The following PTPRO variants were observed in gnomAD, a reference collection of about 807,000 sequenced individuals.
PTPRO encodes the protein protein tyrosine phosphatase receptor type O.
A neutral mutation model predicts 145.2 loss-of-function variants in PTPRO; 62 were observed. The ratio of observed to expected loss-of-function variants is 0.43; its 90% CI spans 0.35 to 0.53. The LOEUF (loss-of-function observed/expected upper bound fraction) is 0.53, where lower values mean the gene tolerates loss of function less well. Ranked by LOEUF, PTPRO falls within the 20% of genes least tolerant of loss-of-function variation. The probability of loss-of-function intolerance (pLI) is 0.01; values close to 1 mark genes in which losing one functional copy is unlikely to be tolerated. For missense variants in PTPRO, 1,345 were observed against 1,482.7 expected (o/e 0.91, Z 1.53); for synonymous variants, 565 against 514.7 (o/e 1.10, Z -1.32).
At chr12:15,436,422 C>T (rs765107652) in intron 1 of PTPRO, among the ~76,000 whole-genome samples, 3 of 152,156 alleles carry the variant, frequency 2.0e-5, no homozygotes, top group Non-Finnish European at 4.4e-5. Context: ...GCCAAAATTG[C>T]TGTGACAGTT....
At chr12:15,381,414 A>G (rs866234204) in intron 1 of PTPRO, among the ~76,000 whole-genome samples, 3 of 152,172 alleles carry the variant, frequency 2.0e-5, no homozygotes, top group South Asian at 2.1e-4. Context: ...GTTGTTTTCT[A>G]TATCCCTAGT....
chr12:15,420,668 T>C (rs1348387197), intron 1 of PTPRO, among the ~76,000 whole-genome samples: 2 of 148,128 alleles, frequency 1.4e-5, no homozygotes, highest in South Asian at 2.1e-4. Flanking sequence ...TTATATCACA[T>C]GTTATTATAA....
chr12:15,331,884 A>G (rs1313951407), intron 1 of PTPRO, among the ~76,000 whole-genome samples: 1 of 151,658 alleles, frequency 6.6e-6, no homozygotes, highest in Non-Finnish European at 1.5e-5. Flanking sequence ...CACGTATTGT[A>G]TCTTCCACAG....
chr12:15,450,438 C>G (rs1003932643), intron 1 of PTPRO, among the ~76,000 whole-genome samples: 1 of 152,142 alleles, frequency 6.6e-6, no homozygotes, highest in Non-Finnish European at 1.5e-5. Flanking sequence ...TTACCAAGAA[C>G]ACAATTTTTA....
intron 1 of PTPRO, chr12:15,440,343 T>A (rs1053348126): frequency 1.8e-5 from 8 of 444,976 alleles, no homozygotes; most frequent in African/African-American, 1.6e-4. Flanking sequence ...GAGCACTTCT[T>A]CAAGACCCAC....
chr12:15,362,571 A>G (rs987038826), intron 1 of PTPRO, among the ~76,000 whole-genome samples: 3 of 152,178 alleles, frequency 2.0e-5, no homozygotes, highest in African/African-American at 7.2e-5. Flanking sequence ...TACAGAAAAT[A>G]TTCTCCAGTT....
At chr12:15,350,345 C>T (rs1267831258) in intron 1 of PTPRO, among the ~76,000 whole-genome samples, 2 of 152,116 alleles carry the variant, frequency 1.3e-5, no homozygotes, top group African/African-American at 4.8e-5. Flanking sequence ...GGAAGACCTA[C>T]TATGTCATAC....
intron 1 of PTPRO, among the ~76,000 whole-genome samples, chr12:15,386,178 G>A (rs1939022537): frequency 6.6e-6 from 1 of 152,072 alleles, no homozygotes; most frequent in African/African-American, 2.4e-5. Context: ...AAGCCTCAAA[G>A]TGCTGGAGTC....
rs781676543 is a variant in PTPRO at position 15,484,079 on chromosome 12, A to G, written c.181A>G (p.Thr61Ala). ...AGCATCTGTGTATGTTGTGAAGATA[A>G]CTGGTGAATCCAAAAATTATTTCTT... ...SPASVYVVKITGESKNYFFEF... is the reference protein window; with the variant it reads ...SPASVYVVKIAGESKNYFFEF... Residue 61 changes from threonine (T) to alanine (A), a missense_variant, in exon 2 of 27, where the codon ACT (threonine) becomes GCT (alanine). By Grantham distance (58) the Thr-to-Ala change is moderately conservative. This residue lies in a region of PTPRO where 1,130 missense variants were observed against 1,214.7 expected (regional missense o/e 0.93). Coordinates refer to ENST00000281171, the MANE Select transcript of PTPRO (RefSeq NM_030667.3). 8 of 1,613,852 alleles carry G rather than the reference A, an allele frequency of 5.0e-6. No homozygotes were observed. The highest frequency in any genetic ancestry group is 4.5e-5 in the East Asian group (2 of 44,876).
At chr12:15,569,287 G>A (rs1943981457) in intron 18 of PTPRO, 130 bp from the exon 19 acceptor site, 1 of 777,672 alleles carries the variant, frequency 1.3e-6, no homozygotes, top group Non-Finnish European at 2.1e-6. Flanking sequence ...AAAAAAAGGT[G>A]AGTGCTAACC....
intron 1 of PTPRO, among the ~76,000 whole-genome samples, chr12:15,410,975 GTT>G (rs1307186066): frequency 6.6e-6 from 1 of 152,188 alleles, no homozygotes; most frequent in African/African-American, 2.4e-5. Flanking sequence ...ATTATGCAAT[GTT>G]TTTGATAATG....
chr12:15,495,290 T>G (rs2136458487), intron 2 of PTPRO, among the ~76,000 whole-genome samples: 1 of 151,490 alleles, frequency 6.6e-6, no homozygotes, highest in African/African-American at 2.4e-5. Context: ...CATGAACATG[T>G]AGCTTCAATT....
chr12:15,467,743 T>A (rs1011411925), intron 1 of PTPRO, among the ~76,000 whole-genome samples: 1 of 152,214 alleles, frequency 6.6e-6, no homozygotes, highest in Non-Finnish European at 1.5e-5. Context: ...TTCATTCTTA[T>A]AAATTCTTCT....
In PTPRO at chr12:15,501,613, C is replaced by A; in HGVS notation, c.662-7C>A. 1 of 1,608,928 alleles carries A rather than the reference C, an allele frequency of 6.2e-7. No homozygotes were observed. Among genetic ancestry groups the A allele is most frequent in the Non-Finnish European group, 8.5e-7 (1 of 1,175,504 alleles). On this transcript the variant is annotated splice_region_variant and splice_polypyrimidine_tract_variant and intron_variant, in intron 4 of 26. Coordinates refer to ENST00000281171, the MANE Select transcript of PTPRO (RefSeq NM_030667.3). ...ATACTTGAAAATGAAAATTCTCTCT[C>A]TTACAGCCCCTTATCCACCTCAAAA...
intron 12 of PTPRO, among the ~76,000 whole-genome samples, chr12:15,533,121 A>C (rs1288141997): frequency 1.3e-5 from 2 of 152,194 alleles, no homozygotes; most frequent in Middle Eastern, 3.2e-3. Flanking sequence ...AAACCATGAT[A>C]GTTTCCCAAA....
At chr12:15,532,424 T>C (rs1329622488) in intron 12 of PTPRO, among the ~76,000 whole-genome samples, 1 of 152,170 alleles carries the variant, frequency 6.6e-6, no homozygotes, top group Non-Finnish European at 1.5e-5. Flanking sequence ...GAAAGTCATG[T>C]GGGATGTGGG....
chr12:15,547,075 A>G (rs888770121), intron 13 of PTPRO, among the ~76,000 whole-genome samples: 4 of 152,232 alleles, frequency 2.6e-5, no homozygotes, highest in African/African-American at 7.2e-5. Flanking sequence ...ACATGATAGA[A>G]TCAATATTTG....
chr12:15,567,373 A>G (rs1303795831), intron 18 of PTPRO, among the ~76,000 whole-genome samples: 1 of 150,398 alleles, frequency 6.6e-6, no homozygotes, highest in Admixed American at 6.6e-5. Flanking sequence ...CTTCCTTTCC[A>G]TCACCTCCTC....
At chr12:15,417,318 G>A (rs1940009145) in intron 1 of PTPRO, among the ~76,000 whole-genome samples, 1 of 151,804 alleles carries the variant, frequency 6.6e-6, no homozygotes, top group African/African-American at 2.4e-5. Context: ...GGAACCGTCT[G>A]TATAAGGTAT....
Sources: allele counts gnomAD v4.1 joint callset (sites outside exome capture counted in the v4.1 genomes callset), GRCh38; gene constraint gnomAD v4.1.1; regional missense constraint gnomAD v4.1.1; transcripts MANE v1.5; gene names NCBI Gene and HGNC (gene_info 2026-07-23, HGNC 2026-07-21).